The following SYS1 variants were observed in gnomAD, a reference collection of about 807,000 sequenced individuals.
The protein encoded by SYS1 is SYS1 golgi trafficking protein.
In SYS1, 8 loss-of-function variants were observed where a neutral mutation model predicts 17.8. That is an observed-to-expected ratio of 0.45 (90% confidence interval 0.26 to 0.81). The LOEUF (loss-of-function observed/expected upper bound fraction) is 0.81, where lower values mean the gene tolerates loss of function less well. Among genes scored for constraint, SYS1 ranks in the 40% least tolerant of loss-of-function variants. SYS1 has a pLI of 0.16. For missense variants in SYS1, 161 were observed against 203.9 expected, an observed-to-expected ratio of 0.79 and a Z score of 1.28; for synonymous variants, 95 against 90.9, an observed-to-expected ratio of 1.05 and a Z score of -0.26.
chr20:45,364,760 C>T (rs561632000), intron 2 of SYS1, among the ~76,000 whole-genome samples: 2 of 152,082 alleles, frequency 1.3e-5, no homozygotes, highest in East Asian at 1.9e-4. Context: ...CGTGAGCCAC[C>T]GCGCCCGGCC....
At chr20:45,373,525 A>T, downstream of SYS1, 1 of 261,378 alleles carries the variant, frequency 3.8e-6, no homozygotes, top group South Asian at 6.1e-5. Flanking sequence ...GGAAAATGGA[A>T]TGGGGAGCAA....
chr20:45,369,247 CTT>C (rs1988507080), downstream of SYS1: 1 of 152,294 alleles, frequency 6.6e-6, no homozygotes, highest in Admixed American at 6.5e-5. Flanking sequence ...CTTTATGTCT[CTT>C]TTCAAAATCT....
chr20:45,366,873 A>T lies in SYS1; in HGVS notation c.231-2A>T. On this transcript the variant is annotated splice_acceptor_variant, in intron 3 of 3. Transcript: ENST00000243918. LOFTEE classifies it high-confidence loss of function. Reference sequence around the variant, plus strand: ...CAACTCACTGCTGTCCTCTCCCCACAGTGCCCTGGGCTTGCTGTACTTCAT... The same window carrying T: ...CAACTCACTGCTGTCCTCTCCCCACTGTGCCCTGGGCTTGCTGTACTTCAT... The T allele has an allele frequency of 6.2e-7, 1 of 1,613,962 alleles. No individual in the cohort carries two copies. Among genetic ancestry groups the T allele is most frequent in the South Asian group, 1.1e-5 (1 of 91,080 alleles).
downstream of SYS1, among the ~76,000 whole-genome samples, chr20:45,372,023 C>G (rs1015341145): frequency 6.6e-6 from 1 of 152,236 alleles, no homozygotes; most frequent in Non-Finnish European, 1.5e-5. Flanking sequence ...GATTCAAACA[C>G]TTCAATTTTT....
chr20:45,363,416 TC>T, intron 1 of SYS1, 101 bp downstream of exon 1: 1 of 1,445,220 alleles, frequency 6.9e-7, no homozygotes, highest in Non-Finnish European at 9.1e-7. Flanking sequence ...TGCCCCGCCT[TC>T]CCCCTGACTC....
rs1244708138 is a variant in SYS1 at position 45,367,906 on chromosome 20, AT to A, written c.*799del. ...GGCACCCAGCTCCCACTGGACTCCAATTTTTTTTCCTGCCTTATTTAGAATT... is the reference window on the plus strand; with the variant it reads ...GGCACCCAGCTCCCACTGGACTCCAATTTTTTTCCTGCCTTATTTAGAATT... On this transcript the variant is annotated 3_prime_UTR_variant, in exon 4 of 4. Transcript: ENST00000243918. 2 of 985,442 alleles carry A rather than the reference AT, an allele frequency of 2.0e-6. No homozygotes were observed. The highest frequency in any genetic ancestry group is 4.7e-5 in the South Asian group (1 of 21,256). 61.0% of individuals were successfully genotyped at this position (985,442 alleles called of 1,614,324 possible). A position where few individuals can be genotyped will look rare whatever the true frequency, so the allele number is the denominator to read the frequency against.
At chr20:45,366,263 C>T (rs1160361519) in intron 3 of SYS1, among the ~76,000 whole-genome samples, 1 of 152,126 alleles carries the variant, frequency 6.6e-6, no homozygotes, top group Non-Finnish European at 1.5e-5. Context: ...ATATTACCTA[C>T]CTCATAGTTG....
Position 45,368,770 on chromosome 20 carries a change from T to TA in SYS1, c.*1657dup, listed in dbSNP as rs1988495147. 1 of 985,292 alleles carries TA rather than the reference T, an allele frequency of 1.0e-6. No homozygotes were observed. The highest frequency in any genetic ancestry group is 1.2e-6 in the Non-Finnish European group (1 of 829,940). 61.0% of individuals were successfully genotyped at this position (985,292 alleles called of 1,614,324 possible). A position where few individuals can be genotyped will look rare whatever the true frequency, so the allele number is the denominator to read the frequency against. On this transcript the variant is annotated 3_prime_UTR_variant, in exon 4 of 4. Coordinates refer to ENST00000243918, the MANE Select transcript of SYS1 (RefSeq NM_033542.4). ...CCAGCTGGGATGACCTTCCCTGGGT[T>TA]AATCAATTTCCCTCTAGACAACACA...
At chr20:45,366,493 A>C (rs946022706) in intron 3 of SYS1, among the ~76,000 whole-genome samples, 1 of 152,168 alleles carries the variant, frequency 6.6e-6, no homozygotes, top group African/African-American at 2.4e-5. Context: ...TTTATATAAA[A>C]ATCCAGATTT....
downstream of SYS1, chr20:45,374,065 G>T (rs1290223201): frequency 7.7e-6 from 12 of 1,561,986 alleles, no homozygotes; most frequent in African/African-American, 1.4e-5. Context: ...GGGGGCGCTG[G>T]TCGTTTGGGG....
At chr20:45,372,100 A>G (rs1276244430), downstream of SYS1, among the ~76,000 whole-genome samples, 1 of 152,206 alleles carries the variant, frequency 6.6e-6, no homozygotes. Context: ...TACTGGGCCC[A>G]GAGGAGGAGC....
chr20:45,363,496 C>A, intron 1 of SYS1, 33 bp from the exon 2 acceptor site: 1 of 1,561,708 alleles, frequency 6.4e-7, no homozygotes, highest in South Asian at 1.2e-5. Context: ...TGGAGACAGG[C>A]CGCTGGCTGA....
At chr20:45,373,862 C>T (rs1239688857), downstream of SYS1, 1 of 1,567,332 alleles carries the variant, frequency 6.4e-7, no homozygotes, top group Non-Finnish European at 8.8e-7. Context: ...CCCAGACAAA[C>T]AGGCAGAGTA....
chr20:45,363,729 C>G, intron 2 of SYS1, 36 bp downstream of exon 2: 4 of 1,540,504 alleles, frequency 2.6e-6, no homozygotes, highest in Non-Finnish European at 3.5e-6. Flanking sequence ...GGGGTCTCGG[C>G]CTCCCCGAGT....
At chr20:45,371,629 A>T (rs1304649200), downstream of SYS1, among the ~76,000 whole-genome samples, 1 of 152,216 alleles carries the variant, frequency 6.6e-6, no homozygotes, top group Non-Finnish European at 1.5e-5. Flanking sequence ...TTCACGTTCC[A>T]GTTATGTTTA....
In SYS1 at chr20:45,363,248, G is replaced by A. The variant is rs978138439; in HGVS notation, c.-71G>A. On this transcript the variant is annotated 5_prime_UTR_variant, in exon 1 of 4. Coordinates refer to ENST00000243918, the MANE Select transcript of SYS1 (RefSeq NM_033542.4). ...CTCCTCCATGGTCCTGTCTGTCAGC[G>A]CTGTTTTGGGAGCCCGCCGGTGAGG... is the stretch of plus-strand genomic sequence containing the variant. 10 of 1,192,920 alleles carry A rather than the reference G, an allele frequency of 8.4e-6. No homozygotes were observed. Among genetic ancestry groups the A allele is most frequent in the Non-Finnish European group, 1.0e-5 (10 of 955,772 alleles). 73.9% of individuals were successfully genotyped at this position (1,192,920 alleles called of 1,614,324 possible). A position where few individuals can be genotyped will look rare whatever the true frequency, so the allele number is the denominator to read the frequency against.
exon 4 of SYS1, chr20:45,374,888 C>G (rs527282231): frequency 9.4e-7 from 1 of 1,068,660 alleles, no homozygotes. Flanking sequence ...AAGGCTTCCC[C>G]CTCTCTGGAC....
chr20:45,363,606 G>T lies in SYS1; in HGVS notation c.75G>T (p.Val25=). 1.9e-6 allele frequency: 3 copies of T among 1,604,242 alleles called. No homozygotes were observed. Among genetic ancestry groups the T allele is most frequent in the Non-Finnish European group, 2.6e-6 (3 of 1,175,828 alleles). ...ILSQIVLMQT[V]YYGSLGLWLA... ...CGCAGATCGTCCTCATGCAGACCGT[G>T]TATTACGGCTCGCTGGGCCTGTGGC... is the stretch of plus-strand genomic sequence containing the variant. Residue 25 remains valine, a synonymous_variant, in exon 2 of 4, where the codon GTG becomes GTT. Transcript: ENST00000243918.
At chr20:45,373,566 C>G (rs2035533602), downstream of SYS1, 2 of 352,260 alleles carry the variant, frequency 5.7e-6, no homozygotes, top group East Asian at 5.7e-5. Flanking sequence ...CACTTTCTAG[C>G]TGAGTGAGCC....
Sources: gnomAD v4.1 joint callset for allele counts (sites outside exome capture counted in the v4.1 genomes callset) on GRCh38, gnomAD v4.1.1 for gene constraint, MANE v1.5 for transcripts, NCBI Gene and HGNC (gene_info 2026-07-23, HGNC 2026-07-21) for gene names.